Variants in SRP68 observed in about 807,000 individuals in gnomAD.
SRP68 encodes signal recognition particle 68.
SRP68 carries 15 observed loss-of-function variants against 82.2 expected under a neutral mutation model. The ratio of observed to expected loss-of-function variants is 0.18; its 90% CI spans 0.12 to 0.28. SRP68 has a LOEUF of 0.28. Ranked by LOEUF, SRP68 falls within the 10% of genes least tolerant of loss-of-function variation. The pLI is 1.00. For synonymous variants in SRP68, 261 were observed against 292.6 expected, an observed-to-expected ratio of 0.89 and a Z score of 1.10; for missense variants, 595 against 780.5, an observed-to-expected ratio of 0.76 and a Z score of 2.83.
chr17:76,053,698 G>C (rs1323710290), intron 8 of SRP68: 1 of 956,776 alleles, frequency 1.0e-6, no homozygotes. Context: ...TTTTTCTTAC[G>C]ACGCCCACAC....
At chr17:76,056,679 C>A (rs754848224) in intron 8 of SRP68, among the ~76,000 whole-genome samples, 63 of 152,156 alleles carry the variant, frequency 4.1e-4, no homozygotes, top group Admixed American at 8.5e-4. Flanking sequence ...CCCCACCAAC[C>A]CATACACAAA....
chr17:76,063,872 T>C, intron 4 of SRP68, 104 bp downstream of exon 4: 1 of 1,053,916 alleles, frequency 9.5e-7, no homozygotes, highest in South Asian at 2.0e-5. Context: ...TTTCCTCTTC[T>C]GACTGTCACT....
chr17:76,069,221 C>A (rs2066830189), intron 2 of SRP68, among the ~76,000 whole-genome samples: 1 of 150,960 alleles, frequency 6.6e-6, no homozygotes, highest in African/African-American at 2.4e-5. Flanking sequence ...AACCCCATCT[C>A]TACTAAAAAT....
Position 76,040,516 on chromosome 17 carries a change from A to G in SRP68, c.1601-42T>C, listed in dbSNP as rs996191636. On this transcript the variant is annotated intron_variant, in intron 14 of 15. Transcript: ENST00000307877. The stretch of plus-strand genomic sequence containing the variant: ...GATTCAGTAAGAACAAGGATTTATA[A>G]TAGCACACTAATCACAAATGAGGCC... 1.2e-5 allele frequency: 19 copies of G among 1,589,350 alleles called. No homozygotes were observed. The African/African-American group carries it at 1.6e-4, about 14-fold the overall frequency.
chr17:76,055,982 G>GT (rs902327518), intron 8 of SRP68, among the ~76,000 whole-genome samples: 1 of 151,318 alleles, frequency 6.6e-6, no homozygotes, highest in African/African-American at 2.4e-5. Context: ...AAATTTTTTG[G>GT]TACTTTTTTT....
At chr17:76,054,505 G>T (rs1041869886) in intron 8 of SRP68, among the ~76,000 whole-genome samples, 1 of 152,026 alleles carries the variant, frequency 6.6e-6, no homozygotes, top group African/African-American at 2.4e-5. Flanking sequence ...AAAGATAAAT[G>T]GTCCCTCTTC....
At chr17:76,053,948 A>C (rs2066694471) in intron 8 of SRP68, among the ~76,000 whole-genome samples, 2 of 152,314 alleles carry the variant, frequency 1.3e-5, no homozygotes, top group African/African-American at 4.8e-5. Flanking sequence ...CAGCCACTGG[A>C]CCAACCAGAA....
intron 13 of SRP68, 132 bp from the exon 14 acceptor site, chr17:76,041,110 GAACAA>G (rs200076584): frequency 1.7e-6 from 1 of 604,834 alleles, no homozygotes; most frequent in Admixed American, 3.2e-5. Flanking sequence ...CTCACTATTA[GAACAA>G]AACAAAACAA....
intron 4 of SRP68, among the ~76,000 whole-genome samples, chr17:76,062,580 TTATATAA>T (rs1297083012): frequency 2.2e-4 from 22 of 100,456 alleles, no homozygotes; most frequent in Non-Finnish European, 3.1e-4. Context: ...ATAATATACA[TTATATAA>T]TATATAATAT....
At chr17:76,041,873 C>T (rs891362141) in intron 13 of SRP68, among the ~76,000 whole-genome samples, 18 of 152,034 alleles carry the variant, frequency 1.2e-4, no homozygotes, top group Admixed American at 2.0e-4. Context: ...ACTCCATCAA[C>T]GACAGGAACC....
chr17:76,042,366 G>C (rs904956262), intron 13 of SRP68, among the ~76,000 whole-genome samples: 2 of 151,778 alleles, frequency 1.3e-5, no homozygotes, highest in African/African-American at 2.4e-5. Flanking sequence ...CACTTTGGGA[G>C]GCTGAGGTCA....
chr17:76,071,932 T>C lies in SRP68; in HGVS notation c.184+376A>G, dbSNP rs761611375. ...GTCTATGACGACTGTCAGACAAGAG[T>C]ATTAAGCCAAATGTCAAGACTGCAG... On this transcript the variant is annotated intron_variant, in intron 1 of 15. Transcript: ENST00000307877. The surrounding 1 kb of genome is among the most constrained non-coding windows in gnomAD (Gnocchi z 4.7). 8 of 315,274 alleles carry C rather than the reference T, an allele frequency of 2.5e-5. No homozygotes were observed. Among genetic ancestry groups the C allele is most frequent in the Non-Finnish European group, 4.7e-5 (8 of 170,296 alleles). 19.5% of individuals were successfully genotyped at this position (315,274 alleles called of 1,614,324 possible). A position where few individuals can be genotyped will look rare whatever the true frequency, so the allele number is the denominator to read the frequency against.
intron 3 of SRP68, among the ~76,000 whole-genome samples, chr17:76,064,462 A>G (rs1251104651): frequency 6.6e-6 from 1 of 152,194 alleles, no homozygotes; most frequent in Non-Finnish European, 1.5e-5. Context: ...AATGTTGTCA[A>G]ACAGACACGG....
chr17:76,065,602 C>G (rs557235778), intron 3 of SRP68, among the ~76,000 whole-genome samples: 1 of 152,190 alleles, frequency 6.6e-6, no homozygotes, highest in East Asian at 1.9e-4. Context: ...TAGCAGCTAA[C>G]AAGTGTCCAG....
At chr17:76,066,067 T>G (rs1475553476) in intron 3 of SRP68, among the ~76,000 whole-genome samples, 2 of 152,012 alleles carry the variant, frequency 1.3e-5, no homozygotes, top group African/African-American at 4.8e-5. Context: ...CCGGGGGCCT[T>G]GACTACATGT....
chr17:76,071,118 C>T lies in SRP68; in HGVS notation c.185-674G>A, dbSNP rs1292002225. Among the ~76,000 whole-genome samples, 1 of 152,146 alleles carries T rather than the reference C, an allele frequency of 6.6e-6. No individual in the cohort carries two copies. Among genetic ancestry groups the T allele is most frequent in the African/African-American group, 2.4e-5 (1 of 41,416 alleles). On this transcript the variant is annotated intron_variant, in intron 1 of 15. Coordinates refer to ENST00000307877, the MANE Select transcript of SRP68 (RefSeq NM_014230.4). The surrounding 1 kb of genome is among the most constrained non-coding windows in gnomAD (Gnocchi z 4.7). Reference sequence around the variant, plus strand: ...TGCTTCACACCAATTAACACCTAGACCCCACATTTTATTCATTCAGATTCA... The same window carrying T: ...TGCTTCACACCAATTAACACCTAGATCCCACATTTTATTCATTCAGATTCA...
intron 3 of SRP68, 90 bp from the exon 4 acceptor site, chr17:76,064,261 CT>C: frequency 2.6e-6 from 3 of 1,167,752 alleles, no homozygotes; most frequent in Non-Finnish European, 3.7e-6. Flanking sequence ...CTCGGCTTTT[CT>C]TTATACTCTC....
chr17:76,062,725 TATTTTATATATATA>T lies in SRP68; in HGVS notation c.562-1165_562-1152del, dbSNP rs2066771733. ...TGTATATTATACAATATATTATATT[TATTTTATATATATA>T]TATATATATATATATATATATATAT... On this transcript the variant is annotated intron_variant, in intron 4 of 15. Coordinates refer to ENST00000307877, the MANE Select transcript of SRP68 (RefSeq NM_014230.4). Among the ~76,000 whole-genome samples, 2 of 25,570 alleles carry T rather than the reference TATTTTATATATATA, an allele frequency of 7.8e-5. 1 individual carries two copies. Among genetic ancestry groups the T allele is most frequent in the Admixed American group, 1.9e-3 (2 of 1,038 alleles). The allele number at this position is 25,570 out of a possible 152,430, so 16.8% of individuals were successfully genotyped here. A position where few individuals can be genotyped will look rare whatever the true frequency, so the allele number is the denominator to read the frequency against.
intron 7 of SRP68, among the ~76,000 whole-genome samples, chr17:76,058,677 G>A (rs2066729305): frequency 6.6e-6 from 1 of 152,212 alleles, no homozygotes; most frequent in African/African-American, 2.4e-5. Flanking sequence ...TGGTAAGGAT[G>A]TAAGGAGAAA....
Sources: allele counts gnomAD v4.1 joint callset (sites outside exome capture counted in the v4.1 genomes callset), GRCh38; gene constraint gnomAD v4.1.1; non-coding constraint Gnocchi (gnomAD v3.1); transcripts MANE v1.5; gene names NCBI Gene and HGNC (gene_info 2026-07-23, HGNC 2026-07-21).